Variants in DEAF1 observed in about 807,000 individuals in gnomAD.
The protein encoded by DEAF1 is DEAF1 transcription factor.
DEAF1 carries 53 observed loss-of-function variants against 58.9 expected under a neutral mutation model. The observed-to-expected ratio is 0.90, with a 90% CI of 0.72 to 1.13. The LOEUF (loss-of-function observed/expected upper bound fraction) is 1.13. Among genes scored for constraint, DEAF1 ranks in the 50% most tolerant of loss-of-function variants. The pLI is 0.00. For missense variants in DEAF1, 685 were observed against 791.4 expected, an observed-to-expected ratio of 0.87 and a Z score of 1.61; for synonymous variants, 385 against 340.4, an observed-to-expected ratio of 1.13 and a Z score of -1.44.
Position 681,502 on chromosome 11 carries a change from C to A in DEAF1, c.871-413G>T, listed in dbSNP as rs12291981. On this transcript the variant is annotated intron_variant, in intron 6 of 11. Coordinates refer to ENST00000382409, the MANE Select transcript of DEAF1 (RefSeq NM_021008.4). ...CTGGGCTCACTGCAAGCTCTGCCTCCCGGGTTCATGCCATTCTCCTGCCTC... is the reference window on the plus strand; with the variant it reads ...CTGGGCTCACTGCAAGCTCTGCCTCACGGGTTCATGCCATTCTCCTGCCTC... 1.2e-3 allele frequency among the ~76,000 whole-genome samples: 178 copies of A among 150,692 alleles called. 2 individuals carry two copies. Among genetic ancestry groups the A allele is most frequent in the Non-Finnish European group, 1.5e-3 (102 of 67,732 alleles).
intron 1 of DEAF1, chr11:704,488 C>T (rs186322619): frequency 3.1e-6 from 4 of 1,289,456 alleles, no homozygotes; most frequent in East Asian, 5.5e-5. Context: ...ACTTCACACA[C>T]CAGCGCCTGA....
upstream of DEAF1, chr11:697,558 A>G (rs1270030815): frequency 6.6e-6 from 1 of 152,236 alleles, no homozygotes; most frequent in East Asian, 1.9e-4. Context: ...TTTTCCCCCA[A>G]GCCCCATAAC....
chr11:660,456 G>T (rs7483427), intron 10 of DEAF1, among the ~76,000 whole-genome samples: 12,844 of 152,286 alleles, frequency 0.084, 670 homozygotes, highest in Admixed American at 0.18. Flanking sequence ...AGGCTGCCCC[G>T]CCGGCGCCGC....
intron 2 of DEAF1, among the ~76,000 whole-genome samples, chr11:691,062 G>A (rs959318705): frequency 1.3e-5 from 2 of 152,266 alleles, no homozygotes; most frequent in African/African-American, 4.8e-5. Flanking sequence ...AGTTTTCTAA[G>A]TAGACAGCAG....
At chr11:680,870 G>A in intron 7 of DEAF1, 93 bp downstream of exon 7, 1 of 1,563,756 alleles carries the variant, frequency 6.4e-7, no homozygotes, top group Non-Finnish European at 8.8e-7. Context: ...CTTTAGAAGT[G>A]AGAATCCCGC....
chr11:653,643 C>G (rs1858901362), intron 11 of DEAF1, among the ~76,000 whole-genome samples: 1 of 142,916 alleles, frequency 7.0e-6, no homozygotes, highest in East Asian at 2.2e-4. Flanking sequence ...GTGTGGAGGG[C>G]TCAATAATGG....
rs927502526 is a variant in DEAF1 at position 694,771 on chromosome 11, C to A, written c.277G>T (p.Ala93Ser). Residue 93 changes from alanine to serine, a missense_variant, in exon 1 of 12, where the codon GCA (alanine) becomes TCA (serine). Ala to Ser is a moderately conservative substitution (Grantham distance 99). This residue lies in a region of DEAF1 where 210 missense variants were observed against 177.3 expected (regional missense o/e 1.18). Transcript: ENST00000382409. ...CGGGCGCACTTGCCTGCGAAGGCTG[C>A]GGCAGCGGCGGCCTCGTCGGGGCCG... ...LPGPDEAAAA[A>S]AFAEVTTVTV... 7.6e-7 allele frequency: 1 copy of A among 1,310,120 alleles called. No homozygotes were observed. Among genetic ancestry groups the A allele is most frequent in the Non-Finnish European group, 9.7e-7 (1 of 1,034,884 alleles). The allele number at this position is 1,310,120 out of a possible 1,614,324, so 81.2% of individuals were successfully genotyped here. A position where few individuals can be genotyped will look rare whatever the true frequency, so the allele number is the denominator to read the frequency against.
intron 10 of DEAF1, among the ~76,000 whole-genome samples, chr11:658,545 C>T (rs1859172435): frequency 6.6e-6 from 1 of 152,284 alleles, no homozygotes; most frequent in African/African-American, 2.4e-5. Flanking sequence ...CCATTCTGCG[C>T]TTTCAGGAAA....
At chr11:700,537 AAAAGG>A in intron 1 of DEAF1, 1 of 1,229,526 alleles carries the variant, frequency 8.1e-7, no homozygotes, top group Non-Finnish European at 1.2e-6. Context: ...AAAAAAAAAA[AAAAGG>A]AAAAGGCAAG....
In DEAF1 at chr11:653,974, G is replaced by A; in HGVS notation, c.1581C>T (p.Phe527=). 1 of 1,613,960 alleles carries A rather than the reference G, an allele frequency of 6.2e-7. No individual in the cohort carries two copies. Among genetic ancestry groups the A allele is most frequent in the South Asian group, 1.1e-5 (1 of 91,082 alleles). ...GCHKVNYCST[F]CQRKDWKDHQ... is the part of the protein sequence containing the mutation. ...AGGTGAGACCTACCTTGCGTTGGCA[G>A]AAGGTGGAGCAGTAGTTGACCTTGT... The change falls in exon 11 of 12, where the codon TTC becomes TTT. Residue 527 remains phenylalanine, a synonymous_variant. Transcript: ENST00000382409.
intron 10 of DEAF1, among the ~76,000 whole-genome samples, chr11:656,157 A>G (rs1859044942): frequency 1.1e-5 from 1 of 91,790 alleles, no homozygotes; most frequent in African/African-American, 7.2e-5. Flanking sequence ...TAAATGACAA[A>G]CTTTTTTTTT....
intron 1 of DEAF1, chr11:704,767 T>A: frequency 1.4e-6 from 1 of 705,822 alleles, no homozygotes; most frequent in Non-Finnish European, 2.1e-6. Context: ...GCCTGGACTG[T>A]CTCCTGAGGG....
At chr11:684,852 C>A (rs1312807942) in intron 6 of DEAF1, 46 bp downstream of exon 6, 33 of 1,536,510 alleles carry the variant, frequency 2.1e-5, no homozygotes, top group Non-Finnish European at 2.9e-5. Context: ...CTCAGCCGCC[C>A]CCAGCCCCAC....
At chr11:648,283 CT>C (rs1221411168) in intron 11 of DEAF1, among the ~76,000 whole-genome samples, 2 of 151,648 alleles carry the variant, frequency 1.3e-5, no homozygotes, top group East Asian at 1.9e-4. Context: ...CAAGCTCCGC[CT>C]CCCGGGTTCA....
At chr11:690,339 GGC>G (rs1860781566) in intron 2 of DEAF1, among the ~76,000 whole-genome samples, 1 of 25,774 alleles carries the variant, frequency 3.9e-5, no homozygotes, top group Non-Finnish European at 9.6e-5. Context: ...GGGAGGGGAG[GGC>G]AGGGGAGGGG....
intron 10 of DEAF1, among the ~76,000 whole-genome samples, chr11:661,454 A>C (rs543648035): frequency 2.0e-4 from 31 of 152,162 alleles, no homozygotes; most frequent in African/African-American, 7.0e-4. Context: ...TCATGCCTGT[A>C]ATCCCAGCAC....
At chr11:662,411 G>C (rs988214277) in intron 10 of DEAF1, among the ~76,000 whole-genome samples, 2 of 152,220 alleles carry the variant, frequency 1.3e-5, no homozygotes, top group Admixed American at 1.3e-4. Context: ...AGTGGCGTGG[G>C]ATCAGGGAAC....
In DEAF1 at chr11:644,266, C is replaced by A; in HGVS notation, c.*284G>T. The A allele has an allele frequency of 3.7e-6, 2 of 534,642 alleles. No homozygotes were observed. The highest frequency in any genetic ancestry group is 2.0e-5 in the South Asian group (1 of 49,898). 33.1% of individuals were successfully genotyped at this position (534,642 alleles called of 1,614,324 possible). On this transcript the variant is annotated 3_prime_UTR_variant, in exon 12 of 12. Transcript: ENST00000382409. The surrounding 1 kb of genome is among the most constrained non-coding windows in gnomAD (Gnocchi z 4.3). ...TTACACTTTATTGACAGACACAACACGTATGTATGTGCGTCGCAGCACAGG... is the reference window on the plus strand; with the variant it reads ...TTACACTTTATTGACAGACACAACAAGTATGTATGTGCGTCGCAGCACAGG...
rs147839531 is a variant in DEAF1, at chr11:674,731, C to T, written c.1308G>A (p.Ala436=). The T allele has an allele frequency of 2.7e-4, 431 of 1,613,756 alleles. 7 individuals carry two copies. The East Asian group carries it at 8.1e-3, about 30-fold the overall frequency. Residue 436 remains alanine (A), a synonymous_variant, in exon 10 of 12, where the codon GCG becomes GCA. Coordinates refer to ENST00000382409, the MANE Select transcript of DEAF1 (RefSeq NM_021008.4). ...GCCCATTGACCAACGCGGGAGGTGC[C>T]GCTTTGGTGGGAGTCGGGGGTGGGA... The part of the protein sequence containing the change: ...LAVPPPTPTK[A]APPALVNGLE...
Sources: allele counts gnomAD v4.1 joint callset (sites outside exome capture counted in the v4.1 genomes callset), GRCh38; gene constraint gnomAD v4.1.1; regional missense constraint gnomAD v4.1.1; non-coding constraint Gnocchi (gnomAD v3.1); transcripts MANE v1.5; gene names NCBI Gene and HGNC (gene_info 2026-07-23, HGNC 2026-07-21).